The following MAPKAP1 variants were observed in gnomAD, a reference collection of about 807,000 sequenced individuals.
MAPKAP1 encodes target of rapamycin complex 2 subunit MAPKAP1.
Under a neutral mutation model 65.7 loss-of-function variants are expected in MAPKAP1, and 20 were observed. The observed-to-expected ratio is 0.30, with a 90% CI of 0.21 to 0.44. The LOEUF is 0.44. MAPKAP1 is among the 20% of genes least tolerant of loss of function. MAPKAP1 has a pLI of 1.00. For missense variants in MAPKAP1, 423 were observed against 648.0 expected (o/e 0.65, Z 3.77); for synonymous variants, 222 against 244.3 (o/e 0.91, Z 0.85).
intron 5 of MAPKAP1, among the ~76,000 whole-genome samples, chr9:125,568,224 T>C (rs1831120875): frequency 6.6e-6 from 1 of 152,192 alleles, no homozygotes; most frequent in Non-Finnish European, 1.5e-5. Flanking sequence ...AGTCCTTGGA[T>C]AAGAATAGGT....
intron 5 of MAPKAP1, among the ~76,000 whole-genome samples, chr9:125,564,372 T>A (rs938464852): frequency 3.9e-5 from 6 of 152,254 alleles, no homozygotes; most frequent in Non-Finnish European, 7.3e-5. Context: ...TCACGAGCCC[T>A]CTTTTCCTTC....
intron 8 of MAPKAP1, among the ~76,000 whole-genome samples, chr9:125,488,679 A>G (rs545442474): frequency 1.3e-5 from 2 of 152,302 alleles, no homozygotes; most frequent in African/African-American, 4.8e-5. Context: ...GCTCAGGAGT[A>G]CCACTTGTTG....
intron 4 of MAPKAP1, among the ~76,000 whole-genome samples, chr9:125,587,505 G>GAACC (rs1831824939): frequency 6.6e-6 from 1 of 152,162 alleles, no homozygotes; most frequent in African/African-American, 2.4e-5. Context: ...GGCAGATGTT[G>GAACC]CAATGAGCCA....
chr9:125,683,527 T>G (rs1564615713), intron 1 of MAPKAP1, among the ~76,000 whole-genome samples: 1 of 152,180 alleles, frequency 6.6e-6, no homozygotes, highest in Non-Finnish European at 1.5e-5. Context: ...AAAATGGTCC[T>G]GGCCAACCAC....
chr9:125,640,098 C>T (rs1009028218), intron 4 of MAPKAP1, among the ~76,000 whole-genome samples: 22 of 151,834 alleles, frequency 1.4e-4, no homozygotes, highest in African/African-American at 4.1e-4. Flanking sequence ...TAGATCATCA[C>T]GTTCTGTTTA....
chr9:125,593,578 C>T (rs1231387753), intron 4 of MAPKAP1, among the ~76,000 whole-genome samples: 1 of 152,082 alleles, frequency 6.6e-6, no homozygotes, highest in African/African-American at 2.4e-5. Flanking sequence ...AGGAGAATTG[C>T]TTGAACCCGG....
chr9:125,510,069 C>T (rs1829255109), intron 7 of MAPKAP1, among the ~76,000 whole-genome samples: 1 of 152,178 alleles, frequency 6.6e-6, no homozygotes, highest in African/African-American at 2.4e-5. Context: ...ATGCTATATA[C>T]CTTACCTTAT....
intron 8 of MAPKAP1, among the ~76,000 whole-genome samples, chr9:125,505,039 T>A (rs1261452296): frequency 6.6e-6 from 1 of 152,168 alleles, no homozygotes; most frequent in East Asian, 1.9e-4. Context: ...AAACAATCAC[T>A]GAGAAAAGTA....
intron 10 of MAPKAP1, among the ~76,000 whole-genome samples, chr9:125,455,759 C>G (rs1199190369): frequency 1.3e-5 from 2 of 152,252 alleles, no homozygotes; most frequent in African/African-American, 4.8e-5. Flanking sequence ...GCCTGTGGGC[C>G]ACAGTTTGCC....
At position 125,439,044 on chromosome 9, in the gene MAPKAP1, T is replaced by C; in HGVS notation, c.1444-32A>G. On this transcript the variant is annotated intron_variant, in intron 11 of 11. Transcript: ENST00000265960. This position sits in a 1 kb window ranked among gnomAD's most constrained non-coding sequence, Gnocchi z 4.0. Reference sequence around the variant, plus strand: ...ACAAGAGCACACAGCCCGGTCACCTTGCCAGCCGCTCCCTACCCACCCAGG... The same window carrying C: ...ACAAGAGCACACAGCCCGGTCACCTCGCCAGCCGCTCCCTACCCACCCAGG... 1 of 1,608,508 alleles carries C rather than the reference T, an allele frequency of 6.2e-7. No individual in the cohort carries two copies. The highest frequency in any genetic ancestry group is 8.5e-7 in the Non-Finnish European group (1 of 1,177,488).
intron 1 of MAPKAP1, among the ~76,000 whole-genome samples, chr9:125,698,295 ATATATATAT>A (rs1564622376): frequency 4.6e-4 from 3 of 6,582 alleles, no homozygotes; most frequent in Non-Finnish European, 9.7e-4. Context: ...ATAAATATAT[ATATATATAT>A]ATATATATAT....
At chr9:125,554,022 G>A (rs967763454) in intron 6 of MAPKAP1, among the ~76,000 whole-genome samples, 2 of 152,114 alleles carry the variant, frequency 1.3e-5, no homozygotes, top group Non-Finnish European at 2.9e-5. Flanking sequence ...GGGTGACAGA[G>A]CAATACCCTA....
At chr9:125,563,297 G>A (rs1367423495) in intron 5 of MAPKAP1, among the ~76,000 whole-genome samples, 3 of 152,202 alleles carry the variant, frequency 2.0e-5, no homozygotes, top group African/African-American at 7.2e-5. Flanking sequence ...AATGGAAACA[G>A]GGGCACTTCC....
chr9:125,652,212 G>A (rs200043622), intron 4 of MAPKAP1: 226 of 1,311,330 alleles, frequency 1.7e-4, no homozygotes, highest in Non-Finnish European at 3.9e-5. Context: ...GCCAATGATT[G>A]TAGAAAACAT....
At chr9:125,469,599 T>G (rs1053485061) in intron 9 of MAPKAP1, among the ~76,000 whole-genome samples, 1 of 152,238 alleles carries the variant, frequency 6.6e-6, no homozygotes, top group Non-Finnish European at 1.5e-5. Flanking sequence ...ATGGCTGCTG[T>G]ACCCTGGTCA....
chr9:125,599,941 T>A (rs1022632553), intron 4 of MAPKAP1: 5 of 152,168 alleles, frequency 3.3e-5, no homozygotes, highest in African/African-American at 1.2e-4. Flanking sequence ...TCCGCAAATG[T>A]AAATCTTTAG....
chr9:125,680,393 T>C (rs1834787448), intron 1 of MAPKAP1, among the ~76,000 whole-genome samples: 1 of 152,174 alleles, frequency 6.6e-6, no homozygotes. Context: ...ATAATTGAAG[T>C]GACCATTAAA....
intron 10 of MAPKAP1, among the ~76,000 whole-genome samples, chr9:125,460,979 C>G (rs866196149): frequency 6.6e-6 from 1 of 152,218 alleles, no homozygotes; most frequent in South Asian, 2.1e-4. Flanking sequence ...AAGCACAAGT[C>G]AGATGTCAGC....
chr9:125,494,228 C>T (rs1375521280), intron 8 of MAPKAP1, among the ~76,000 whole-genome samples: 1 of 152,108 alleles, frequency 6.6e-6, no homozygotes, highest in African/African-American at 2.4e-5. Context: ...AAACACTTCC[C>T]TTTGGCTACT....
Sources: gnomAD v4.1 joint callset for allele counts (sites outside exome capture counted in the v4.1 genomes callset) on GRCh38, gnomAD v4.1.1 for gene constraint, Gnocchi (gnomAD v3.1) non-coding constraint, MANE v1.5 for transcripts, NCBI Gene and HGNC (gene_info 2026-07-23, HGNC 2026-07-21) for gene names.